The following MYO16 variants were observed in gnomAD, a reference collection of about 807,000 sequenced individuals.
The protein encoded by MYO16 is unconventional myosin-XVI.
In MYO16, 94 loss-of-function variants were observed where a neutral mutation model predicts 205.3. The observed-to-expected ratio is 0.46, with a 90% CI of 0.39 to 0.54. MYO16 has a LOEUF of 0.54. Ranked by LOEUF, MYO16 falls within the 20% of genes least tolerant of loss-of-function variation. The pLI, the probability that MYO16 is intolerant of heterozygous loss-of-function variation, is 0.00. For missense variants in MYO16, 2,315 were observed against 2,387.5 expected, an observed-to-expected ratio of 0.97 and a Z score of 0.63; for synonymous variants, 988 against 954.0, an observed-to-expected ratio of 1.04 and a Z score of -0.66.
upstream of MYO16, among the ~76,000 whole-genome samples, chr13:108,595,661 C>G (rs1878530072): frequency 6.6e-6 from 1 of 152,116 alleles, no homozygotes; most frequent in Non-Finnish European, 1.5e-5. Flanking sequence ...AAAGCAAGGA[C>G]TTGGCCCTAA....
chr13:108,859,052 A>G (rs1308917692), intron 11 of MYO16, among the ~76,000 whole-genome samples: 1 of 152,122 alleles, frequency 6.6e-6, no homozygotes, highest in Admixed American at 6.6e-5. Flanking sequence ...TTGAAATCGC[A>G]AAATGCACTT....
chr13:109,026,509 AAC>A (rs1269599760), intron 23 of MYO16, among the ~76,000 whole-genome samples: 1 of 152,066 alleles, frequency 6.6e-6, no homozygotes, highest in Non-Finnish European at 1.5e-5. Flanking sequence ...GGTGAGAGGG[AAC>A]ACTTTTCTCT....
the MYO16 span, among the ~76,000 whole-genome samples, chr13:108,533,275 G>A: frequency 6.6e-6 from 1 of 152,124 alleles, no homozygotes; most frequent in Non-Finnish European, 1.5e-5. Flanking sequence ...ACTTTTTGAG[G>A]TGATAGAAGT....
intron 4 of MYO16, among the ~76,000 whole-genome samples, chr13:108,750,691 C>T (rs1482598959): frequency 3.3e-5 from 5 of 151,642 alleles, no homozygotes; most frequent in Non-Finnish European, 5.9e-5. Flanking sequence ...CCTATAATCC[C>T]AGCTACTTAG....
intron 10 of MYO16, among the ~76,000 whole-genome samples, chr13:108,853,809 A>T (rs892449658): frequency 6.6e-6 from 1 of 151,976 alleles, no homozygotes; most frequent in Admixed American, 6.6e-5. Flanking sequence ...GCATTCATCT[A>T]TTGGAATATT....
chr13:108,814,228 T>A (rs1887380208), intron 7 of MYO16, among the ~76,000 whole-genome samples: 1 of 152,158 alleles, frequency 6.6e-6, no homozygotes, highest in Non-Finnish European at 1.5e-5. Flanking sequence ...ATTATTAGAC[T>A]CTCTGATACT....
chr13:109,172,674 A>G (rs1330006587), intron 33 of MYO16, among the ~76,000 whole-genome samples: 1 of 152,218 alleles, frequency 6.6e-6, no homozygotes, highest in African/African-American at 2.4e-5. Context: ...AAGAGCACCT[A>G]CTTCATGGAC....
At chr13:108,845,236 TATTTC>T (rs1877459399) in intron 10 of MYO16, among the ~76,000 whole-genome samples, 3 of 152,226 alleles carry the variant, frequency 2.0e-5, no homozygotes, top group African/African-American at 7.2e-5. Flanking sequence ...TAATTTTTGT[TATTTC>T]AAGTAACTAA....
chr13:108,538,919 T>C, the MYO16 span, among the ~76,000 whole-genome samples: 872 of 152,192 alleles, frequency 5.7e-3, 9 homozygotes, highest in African/African-American at 0.019. Flanking sequence ...AAAGAAGCAA[T>C]GGAAGTTTTA....
chr13:109,177,837 A>G (rs915490041), intron 33 of MYO16, among the ~76,000 whole-genome samples: 1 of 152,176 alleles, frequency 6.6e-6, no homozygotes, highest in Admixed American at 6.5e-5. Context: ...TTTATAATTT[A>G]GGTTTGAAAA....
intron 21 of MYO16, 33 bp downstream of exon 21, chr13:108,992,481 T>C (rs748846753): frequency 1.5e-6 from 2 of 1,349,704 alleles, no homozygotes; most frequent in African/African-American, 1.5e-5. Flanking sequence ...TTGTGTGAAC[T>C]TGAATGGCTT....
the MYO16 span, among the ~76,000 whole-genome samples, chr13:108,548,483 G>T: frequency 6.6e-6 from 1 of 151,708 alleles, no homozygotes; most frequent in Non-Finnish European, 1.5e-5. Flanking sequence ...CGATGATGAT[G>T]CTGGTGGTAG....
chr13:108,992,361 A>G lies in MYO16; in HGVS notation c.2370-15A>G. The G allele has an allele frequency of 6.3e-7, 1 of 1,595,868 alleles. No individual in the cohort carries two copies. Among genetic ancestry groups the G allele is most frequent in the Non-Finnish European group, 8.6e-7 (1 of 1,166,322 alleles). ...TAAGGATGCCCATTTATCCTGGTGT[A>G]TTGTTTTGTTTCAGCATGCAGACAT... On this transcript the variant is annotated splice_polypyrimidine_tract_variant and intron_variant, in intron 20 of 34. Coordinates refer to ENST00000457511, the MANE Select transcript of MYO16 (RefSeq NM_001198950.3).
rs1355825213 is a variant in MYO16 at position 109,022,652 on chromosome 13, T to G, written c.2796+2741T>G. ...TATTATATATATGCATATAAACATATGTATATATTTATATATTATATATAC... is the reference window on the plus strand; with the variant it reads ...TATTATATATATGCATATAAACATAGGTATATATTTATATATTATATATAC... On this transcript the variant is annotated intron_variant, in intron 23 of 34. Coordinates refer to ENST00000457511, the MANE Select transcript of MYO16 (RefSeq NM_001198950.3). Among the ~76,000 whole-genome samples, 14 of 123,004 alleles carry G rather than the reference T, an allele frequency of 1.1e-4. 6 individuals carry two copies. Among genetic ancestry groups the G allele is most frequent in the African/African-American group, 4.5e-4 (14 of 31,056 alleles). The allele number at this position is 123,004 out of a possible 152,430, so 80.7% of individuals were successfully genotyped here.
chr13:108,871,898 C>A (rs1879084199), intron 12 of MYO16, among the ~76,000 whole-genome samples: 1 of 152,186 alleles, frequency 6.6e-6, no homozygotes, highest in Non-Finnish European at 1.5e-5. Flanking sequence ...CCATTAGATG[C>A]TTGATTTGTA....
chr13:109,102,849 G>T (rs1365867925), intron 28 of MYO16, among the ~76,000 whole-genome samples: 2 of 152,034 alleles, frequency 1.3e-5, no homozygotes, highest in African/African-American at 2.4e-5. Context: ...AAATGGGAAA[G>T]GGATCCCATT....
intron 7 of MYO16, among the ~76,000 whole-genome samples, chr13:108,816,294 T>C (rs1875597742): frequency 6.6e-6 from 1 of 152,142 alleles, no homozygotes; most frequent in African/African-American, 2.4e-5. Context: ...AGACATTTTT[T>C]TAGAATATGA....
intron 27 of MYO16, among the ~76,000 whole-genome samples, chr13:109,079,610 A>G (rs1888221401): frequency 6.6e-6 from 1 of 152,144 alleles, no homozygotes; most frequent in Non-Finnish European, 1.5e-5. Flanking sequence ...ACCGCAGGCT[A>G]GGGACACGGG....
rs182858505 is a variant in MYO16 at position 108,795,438 on chromosome 13, G to A, written c.741+1798G>A. ...TTAGCCAGGCTGGTCTCGATCTTCT[G>A]ACCTCGTGATCCGCCCGCCTTGGCC... On this transcript the variant is annotated intron_variant, in intron 6 of 34. Coordinates refer to ENST00000457511, the MANE Select transcript of MYO16 (RefSeq NM_001198950.3). Among the ~76,000 whole-genome samples the A allele has an allele frequency of 3.3e-5, 5 of 152,208 alleles. No individual in the cohort carries two copies. In the East Asian group the frequency reaches 9.7e-4, roughly 29 times the overall value.
Sources: gnomAD v4.1 joint callset for allele counts (sites outside exome capture counted in the v4.1 genomes callset) on GRCh38, gnomAD v4.1.1 for gene constraint, MANE v1.5 for transcripts, NCBI Gene and HGNC (gene_info 2026-07-23, HGNC 2026-07-21) for gene names.